Variants in TRIP12 observed in about 807,000 individuals in gnomAD.
TRIP12 encodes the protein E3 ubiquitin-protein ligase TRIP12.
TRIP12 carries 25 observed loss-of-function variants against 244.2 expected under a neutral mutation model. That is an observed-to-expected ratio of 0.10 (90% confidence interval 0.07 to 0.14). TRIP12 has a LOEUF of 0.14. TRIP12 is among the 10% of genes least tolerant of loss of function. TRIP12 has a pLI of 1.00. For missense variants in TRIP12, 1,677 were observed against 2,486.4 expected (o/e 0.67, Z 6.92); for synonymous variants, 905 against 873.1 (o/e 1.04, Z -0.64).
intron 4 of TRIP12, among the ~76,000 whole-genome samples, chr2:229,853,149 C>A (rs549350415): frequency 6.6e-6 from 1 of 152,100 alleles, no homozygotes; most frequent in Non-Finnish European, 1.5e-5. Context: ...TAAGGAAACA[C>A]ATCACATTCA....
Position 229,859,059 on chromosome 2 carries a change from G to C in TRIP12, c.740C>G (p.Ser247Trp). Reference protein sequence around the residue: ...DSSSAASTSSSSSAVASASST... With the variant: ...DSSSAASTSSWSSAVASASST... ...GGAGGCCGAGGCTACAGCAGAAGAC[G>C]AGGAGGAAGTAGAGGCAGCAGAAGA... Residue 247 changes from serine (S) to tryptophan (W), a missense_variant, in exon 4 of 42, where the codon TCG becomes TGG. Ser to Trp is a radical substitution (Grantham distance 177). Coordinates refer to ENST00000675903, the MANE Select transcript of TRIP12 (RefSeq NM_001348323.3). The C allele has an allele frequency of 6.2e-7, 1 of 1,614,202 alleles. No homozygotes were observed. Among genetic ancestry groups the C allele is most frequent in the Non-Finnish European group, 8.5e-7 (1 of 1,180,034 alleles).
At chr2:229,883,890 C>A (rs925791237) in intron 1 of TRIP12, among the ~76,000 whole-genome samples, 1 of 152,076 alleles carries the variant, frequency 6.6e-6, no homozygotes, top group Admixed American at 6.5e-5. Flanking sequence ...CGGTGGCTCA[C>A]GTGAGGTCAT....
intron 9 of TRIP12, among the ~76,000 whole-genome samples, chr2:229,815,676 A>G (rs2048327678): frequency 6.6e-6 from 1 of 151,750 alleles, no homozygotes; most frequent in Non-Finnish European, 1.5e-5. Context: ...TACATAAATA[A>G]ACAGGATCAG....
rs80053623 is a variant in TRIP12 at position 229,920,347 on chromosome 2, G to A, written c.-50+1533C>T. On this transcript the variant is annotated intron_variant, in intron 1 of 41. Transcript: ENST00000675903. The stretch of plus-strand genomic sequence containing the variant: ...GGGCCTACAAAACGGAGTAAAGCCC[G>A]GAGATCGGGTGATCTGGCAGCCCAG... Among the ~76,000 whole-genome samples the A allele has an allele frequency of 2.2e-3, 333 of 152,264 alleles. 5 individuals are homozygous for A. The highest frequency in any genetic ancestry group is 0.018 in the Admixed American group (269 of 15,296).
intron 2 of TRIP12, among the ~76,000 whole-genome samples, chr2:229,863,654 A>G (rs1446498097): frequency 6.6e-6 from 1 of 152,200 alleles, no homozygotes; most frequent in Non-Finnish European, 1.5e-5. Context: ...ATGGAGCTCT[A>G]TTTTATTATG....
intron 6 of TRIP12, among the ~76,000 whole-genome samples, chr2:229,833,320 T>C (rs2053930032): frequency 6.6e-6 from 1 of 152,290 alleles, no homozygotes; most frequent in South Asian, 2.1e-4. Flanking sequence ...AGGGTCTTGC[T>C]CTCTTGCCCA....
intron 4 of TRIP12, among the ~76,000 whole-genome samples, chr2:229,850,401 C>G (rs1350301207): frequency 6.6e-6 from 1 of 152,160 alleles, no homozygotes; most frequent in African/African-American, 2.4e-5. Flanking sequence ...ACTTTAATAG[C>G]TGCCTTGTAA....
At chr2:229,893,377 C>A (rs2067881855) in intron 1 of TRIP12, among the ~76,000 whole-genome samples, 2 of 152,170 alleles carry the variant, frequency 1.3e-5, no homozygotes, top group Non-Finnish European at 2.9e-5. Context: ...AACACACACA[C>A]CTATGTAACC....
intron 1 of TRIP12, among the ~76,000 whole-genome samples, chr2:229,898,784 T>G (rs970351482): frequency 2.0e-5 from 3 of 152,198 alleles, no homozygotes; most frequent in African/African-American, 7.2e-5. Context: ...CTCCACCTCC[T>G]GGGCTCAAGT....
chr2:229,859,522 T>C lies in TRIP12; in HGVS notation c.277A>G (p.Arg93Gly). 1 of 1,614,210 alleles carries C rather than the reference T, an allele frequency of 6.2e-7. No individual in the cohort carries two copies. The highest frequency in any genetic ancestry group is 1.1e-5 in the South Asian group (1 of 91,086). ...TTTTGTCTTTCTGAAGTATTGGCTC[T>C]GTCTGGATCCTCTGGTTGTGGAACT... ...VIVPQPEDPD[R>G]ANTSERQKTG... Residue 93 changes from arginine (R) to glycine (G), a missense_variant, in exon 4 of 42, where the codon AGA becomes GGA. By Grantham distance (125) the Arg-to-Gly change is moderately radical. Around this residue, in one of 11 missense-constraint regions of TRIP12, gnomAD observed 387 missense variants for 392.6 expected, o/e 0.99. Transcript: ENST00000675903.
chr2:229,800,242 G>T (rs528747272), intron 21 of TRIP12, among the ~76,000 whole-genome samples: 11 of 152,104 alleles, frequency 7.2e-5, no homozygotes, highest in South Asian at 2.1e-4. Flanking sequence ...ATTTTAGTTG[G>T]TTTTTTTAAA....
At chr2:229,839,310 A>C (rs1464773620) in intron 5 of TRIP12, among the ~76,000 whole-genome samples, 1 of 152,134 alleles carries the variant, frequency 6.6e-6, no homozygotes, top group Non-Finnish European at 1.5e-5. Flanking sequence ...GGTTTGTTTT[A>C]AGTGTTCTCC....
chr2:229,879,992 T>C lies in TRIP12; in HGVS notation c.88A>G (p.Ile30Val), dbSNP rs764515629. The C allele has an allele frequency of 1.4e-5, 22 of 1,614,134 alleles. 1 individual carries two copies. In the South Asian group the frequency reaches 1.4e-4, roughly 10 times the overall value. The change falls in exon 2 of 42, where the codon ATA becomes GTA. Residue 30 changes from isoleucine to valine, a missense_variant. Coordinates refer to ENST00000675903, the MANE Select transcript of TRIP12 (RefSeq NM_001348323.3). Reference protein sequence around the residue: ...TAGAQPQDDSIGGRSHLGQAK... With the variant: ...TAGAQPQDDSVGGRSHLGQAK... ...CCATGAAATACATACCTTCCTCCTA[T>C]TGAGTCGTCTTGTGGTTGGGCCCCG... is the stretch of plus-strand genomic sequence containing the variant.
intron 1 of TRIP12, among the ~76,000 whole-genome samples, chr2:229,888,006 A>G (rs1381411436): frequency 6.6e-6 from 1 of 152,190 alleles, no homozygotes; most frequent in Non-Finnish European, 1.5e-5. Context: ...ATTGCCTATA[A>G]ATACCCAGTT....
intron 2 of TRIP12, among the ~76,000 whole-genome samples, chr2:229,877,441 G>A (rs1002551489): frequency 1.3e-5 from 2 of 152,158 alleles, no homozygotes; most frequent in African/African-American, 4.8e-5. Flanking sequence ...GCTGAGGCAG[G>A]AGAATCACTT....
rs1360558303 is a variant in TRIP12, at chr2:229,766,089, T to C, written c.*1465A>G. 6.6e-6 allele frequency: 1 copy of C among 151,894 alleles called. No homozygotes were observed. The highest frequency in any genetic ancestry group is 1.5e-5 in the Non-Finnish European group (1 of 68,016). The allele number at this position is 151,894 out of a possible 1,614,324, so 9.4% of individuals were successfully genotyped here. On this transcript the variant is annotated 3_prime_UTR_variant, in exon 42 of 42. Coordinates refer to ENST00000675903, the MANE Select transcript of TRIP12 (RefSeq NM_001348323.3). ...AAAACTTACAGAACAGTCAAAAAAA[T>C]TGATTTCTCAAAGTTCAATTAAAAA...
In TRIP12 at chr2:229,860,462, T is replaced by G. The variant is rs759586206; in HGVS notation, c.168A>C (p.Ala56=). 5.6e-6 allele frequency: 9 copies of G among 1,612,090 alleles called. 1 individual carries two copies. The highest frequency in any genetic ancestry group is 4.4e-5 in the South Asian group (4 of 91,010). The change falls in exon 3 of 42, where the codon GCA becomes GCC. Residue 56 remains alanine, a synonymous_variant. Coordinates refer to ENST00000675903, the MANE Select transcript of TRIP12 (RefSeq NM_001348323.3). ...AAGTAGTATTAGACTGCACTTTGGG[T>G]GCCTTAGAATTAGATTTTCTACTCT... The part of the protein sequence containing the change: ...PPESRKSNSK[A]PKVQSNTTSE...
rs548007862 is a variant in TRIP12, at chr2:229,871,078, G to A, written c.98+8904C>T. Among the ~76,000 whole-genome samples, 7 of 151,892 alleles carry A rather than the reference G, an allele frequency of 4.6e-5. No individual in the cohort carries two copies. In the East Asian group the frequency reaches 5.8e-4, roughly 13 times the overall value. ...GAGGCTGAGGCAAGAGGAGGCTGACGCAGGAGGATCACCTAAGCCTGAGAG... is the reference window on the plus strand; with the variant it reads ...GAGGCTGAGGCAAGAGGAGGCTGACACAGGAGGATCACCTAAGCCTGAGAG... On this transcript the variant is annotated intron_variant, in intron 2 of 41. Transcript: ENST00000675903.
Position 229,787,486 on chromosome 2 carries a change from A to T in TRIP12, c.4995+19T>A. 6.3e-7 allele frequency: 1 copy of T among 1,593,854 alleles called. No individual in the cohort carries two copies. The highest frequency in any genetic ancestry group is 8.5e-7 in the Non-Finnish European group (1 of 1,173,766). On this transcript the variant is annotated intron_variant, in intron 33 of 41. Coordinates refer to ENST00000675903, the MANE Select transcript of TRIP12 (RefSeq NM_001348323.3). ...TTTGAAAAGCTCAGATTATTTAAAG[A>T]TTTTGGGGAGAAACTTACTTTTTTT...
Sources: gnomAD v4.1 joint callset for allele counts (sites outside exome capture counted in the v4.1 genomes callset) on GRCh38, gnomAD v4.1.1 for gene constraint, gnomAD v4.1.1 regional missense constraint, MANE v1.5 for transcripts, NCBI Gene and HGNC (gene_info 2026-07-23, HGNC 2026-07-21) for gene names.